Variants in MSL2 observed in about 807,000 individuals in gnomAD.
The protein encoded by MSL2 is MSL complex subunit 2, also known as E3 ubiquitin-protein ligase MSL2.
Under a neutral mutation model 35.8 loss-of-function variants are expected in MSL2, and 2 were observed. The observed-to-expected ratio is 0.06, with a 90% CI of 0.02 to 0.18. The LOEUF (loss-of-function observed/expected upper bound fraction) is 0.18. MSL2 is among the 10% of genes least tolerant of loss of function. MSL2 has a pLI of 1.00. For missense variants in MSL2, 523 were observed against 706.7 expected (o/e 0.74, Z 2.95); for synonymous variants, 296 against 255.7 (o/e 1.16, Z -1.50).
intron 1 of MSL2, 147 bp downstream of exon 1, chr3:136,194,825 C>T: frequency 7.7e-7 from 1 of 1,301,394 alleles, no homozygotes. Flanking sequence ...AGTCCCTCAG[C>T]AAGTTTCAAA....
chr3:136,157,460 C>G (rs1035637785), intron 1 of MSL2, among the ~76,000 whole-genome samples: 2 of 152,088 alleles, frequency 1.3e-5, no homozygotes, highest in Non-Finnish European at 2.9e-5. Flanking sequence ...CAAGATAGTG[C>G]CACTCAACTC....
chr3:136,195,507 G>C lies in MSL2; in HGVS notation c.-394C>G. On this transcript the variant is annotated 5_prime_UTR_variant, in exon 1 of 2. Coordinates refer to ENST00000309993, the MANE Select transcript of MSL2 (RefSeq NM_018133.4). Reference sequence around the variant, plus strand: ...ACACGGAGGCGCCTCCTCAAGTCGAGCTGGCAGGCGCGGGAGCAGGCCCCG... The same window carrying C: ...ACACGGAGGCGCCTCCTCAAGTCGACCTGGCAGGCGCGGGAGCAGGCCCCG... 9.9e-7 allele frequency: 1 copy of C among 1,011,060 alleles called. No homozygotes were observed. Among genetic ancestry groups the C allele is most frequent in the Middle Eastern group, 4.9e-4 (1 of 2,026 alleles). 62.6% of individuals were successfully genotyped at this position (1,011,060 alleles called of 1,614,324 possible).
intron 1 of MSL2, among the ~76,000 whole-genome samples, chr3:136,191,574 G>A (rs1358912713): frequency 6.6e-6 from 1 of 152,066 alleles, no homozygotes; most frequent in East Asian, 1.9e-4. Context: ...GAGCCTAGGA[G>A]TTCAAGACCT....
At chr3:136,180,361 T>C (rs541312680) in intron 1 of MSL2, among the ~76,000 whole-genome samples, 1 of 152,288 alleles carries the variant, frequency 6.6e-6, no homozygotes, top group South Asian at 2.1e-4. Context: ...GGTAGCACTG[T>C]ATTTTCTCTT....
At chr3:136,186,560 G>A (rs865774598) in intron 1 of MSL2, among the ~76,000 whole-genome samples, 12 of 152,122 alleles carry the variant, frequency 7.9e-5, no homozygotes, top group Non-Finnish European at 1.8e-4. Context: ...GATCTGCAGT[G>A]GCATTAGACT....
At chr3:136,181,657 A>G (rs2108087343) in intron 1 of MSL2, among the ~76,000 whole-genome samples, 1 of 152,122 alleles carries the variant, frequency 6.6e-6, no homozygotes, top group Non-Finnish European at 1.5e-5. Context: ...GGTGGTTCAC[A>G]CCTGTAATCT....
chr3:136,184,855 C>A (rs1257306011), intron 1 of MSL2, among the ~76,000 whole-genome samples: 1 of 151,522 alleles, frequency 6.6e-6, no homozygotes, highest in African/African-American at 2.4e-5. Flanking sequence ...GCCAATGATG[C>A]TAGCCAATAA....
intron 1 of MSL2, among the ~76,000 whole-genome samples, chr3:136,163,445 C>T (rs1178089636): frequency 1.3e-5 from 2 of 152,160 alleles, no homozygotes; most frequent in African/African-American, 4.8e-5. Context: ...ATACAGATTA[C>T]AGGATTGAAA....
chr3:136,154,116 G>C (rs7372313), intron 1 of MSL2, among the ~76,000 whole-genome samples: 58,161 of 150,496 alleles, frequency 0.39, 13,752 homozygotes, highest in East Asian at 0.81. Flanking sequence ...GTTTCAGTAG[G>C]AGAGAACTAT....
Position 136,157,966 on chromosome 3 carries a change from A to G in MSL2, c.143-5228T>C, listed in dbSNP as rs140900788. Among the ~76,000 whole-genome samples, 510 of 152,356 alleles carry G rather than the reference A, an allele frequency of 3.3e-3. 1 individual carries two copies. Among genetic ancestry groups the G allele is most frequent in the Middle Eastern group, 6.8e-3 (2 of 294 alleles). On this transcript the variant is annotated intron_variant, in intron 1 of 1. Transcript: ENST00000309993. ...AGGAGGAGAAAACACTTCCCAACTC[A>G]TATTTAAAGGCCAGTAACTACTATG...
chr3:136,152,755 G>C lies in MSL2; in HGVS notation c.143-17C>G, dbSNP rs1939408983. On this transcript the variant is annotated splice_polypyrimidine_tract_variant and intron_variant, in intron 1 of 1. Coordinates refer to ENST00000309993, the MANE Select transcript of MSL2 (RefSeq NM_018133.4). ...GCAAATGTCCTAAGGGGGAGAAGGA[G>C]GAAAGCAAAGATTTTAGTAAAATAA... 1 of 1,600,158 alleles carries C rather than the reference G, an allele frequency of 6.2e-7. No individual in the cohort carries two copies. Among genetic ancestry groups the C allele is most frequent in the African/African-American group, 1.3e-5 (1 of 74,090 alleles).
At chr3:136,194,320 AC>A in intron 1 of MSL2, 1 of 729,024 alleles carries the variant, frequency 1.4e-6, no homozygotes, top group African/African-American at 1.9e-5. Context: ...TTTAACAAAA[AC>A]ATCTAAAATA....
chr3:136,192,505 A>C (rs560463622), intron 1 of MSL2, among the ~76,000 whole-genome samples: 1 of 152,160 alleles, frequency 6.6e-6, no homozygotes, highest in African/African-American at 2.4e-5. Context: ...GGAAGACTTC[A>C]CCAAGGAGGC....
chr3:136,176,678 A>T (rs555184474), intron 1 of MSL2, among the ~76,000 whole-genome samples: 4 of 151,958 alleles, frequency 2.6e-5, no homozygotes, highest in East Asian at 1.9e-4. Flanking sequence ...AAAAAAATTT[A>T]AAAATTAACC....
rs541904707 is a variant in MSL2, at chr3:136,175,491, G to A, written c.142+19481C>T. 1.2e-4 allele frequency among the ~76,000 whole-genome samples: 19 copies of A among 152,080 alleles called. No individual in the cohort carries two copies. The South Asian group carries it at 3.9e-3, about 32-fold the overall frequency. ...ACTCAAGCCCAGGAGTTCGAGACCA[G>A]CCTAAGCAGCATAGTGAAACCCTGC... is the stretch of plus-strand genomic sequence containing the variant. On this transcript the variant is annotated intron_variant, in intron 1 of 1. Coordinates refer to ENST00000309993, the MANE Select transcript of MSL2 (RefSeq NM_018133.4).
chr3:136,177,755 G>A (rs191924617), intron 1 of MSL2, among the ~76,000 whole-genome samples: 2 of 148,576 alleles, frequency 1.3e-5, no homozygotes, highest in Admixed American at 6.7e-5. Context: ...TTACTTTAAC[G>A]TTCACTATAG....
chr3:136,195,975 A>G lies in MSL2; in HGVS notation c.-862T>C, dbSNP rs968170229. On this transcript the variant is annotated 5_prime_UTR_variant, in exon 1 of 2. It removes an upstream start codon present in the reference 5' UTR. Coordinates refer to ENST00000309993, the MANE Select transcript of MSL2 (RefSeq NM_018133.4). ...AGCGCCGCCCCCTCACTGCCCGGCC[A>G]TTTTTTCGGCGCCACACACACAGAC... 25 of 272,684 alleles carry G rather than the reference A, an allele frequency of 9.2e-5. No individual in the cohort carries two copies. The highest frequency in any genetic ancestry group is 5.0e-5 in the Non-Finnish European group (9 of 180,260). 16.9% of individuals were successfully genotyped at this position (272,684 alleles called of 1,614,324 possible).
chr3:136,192,361 T>G (rs1940713099), intron 1 of MSL2, among the ~76,000 whole-genome samples: 1 of 151,980 alleles, frequency 6.6e-6, no homozygotes, highest in African/African-American at 2.4e-5. Flanking sequence ...GTATTTTTAG[T>G]AGAGATGGGG....
chr3:136,188,643 C>T (rs190595643), intron 1 of MSL2, among the ~76,000 whole-genome samples: 1 of 149,950 alleles, frequency 6.7e-6, no homozygotes, highest in South Asian at 2.1e-4. Flanking sequence ...GTCAGCTACT[C>T]AGGACGATGA....
Sources: gnomAD v4.1 joint callset for allele counts (sites outside exome capture counted in the v4.1 genomes callset) on GRCh38, gnomAD v4.1.1 for gene constraint, MANE v1.5 for transcripts, NCBI Gene and HGNC (gene_info 2026-07-23, HGNC 2026-07-21) for gene names.